The following DNAH12 variants were observed in gnomAD, a reference collection of about 807,000 sequenced individuals.
DNAH12 encodes axonemal beta dynein heavy chain 12.
Under a neutral mutation model 371.5 loss-of-function variants are expected in DNAH12, and 285 were observed. That is an observed-to-expected ratio of 0.77 (90% CI 0.70 to 0.85). The LOEUF (loss-of-function observed/expected upper bound fraction) is 0.85, where lower values mean the gene tolerates loss of function less well. DNAH12 is among the 40% of genes least tolerant of loss of function. DNAH12 has a pLI of 0.00. For missense variants in DNAH12, 3,611 were observed against 3,689.4 expected (o/e 0.98, Z 0.55); for synonymous variants, 1,200 against 1,213.0 (o/e 0.99, Z 0.22).
chr3:57,552,445 G>T, the DNAH12 span, among the ~76,000 whole-genome samples: 1 of 152,144 alleles, frequency 6.6e-6, no homozygotes, highest in Non-Finnish European at 1.5e-5. Flanking sequence ...TGGAAACTAT[G>T]ACAAGTTTAT....
chr3:57,323,725 A>T, intron 62 of DNAH12, 106 bp from the exon 63 acceptor site: 3 of 1,179,658 alleles, frequency 2.5e-6, no homozygotes, highest in Non-Finnish European at 3.4e-6. Context: ...CTAATGGTCA[A>T]AAAAAGCATA....
At chr3:57,384,414 A>T (rs1483782574) in intron 49 of DNAH12, among the ~76,000 whole-genome samples, 2 of 152,114 alleles carry the variant, frequency 1.3e-5, no homozygotes, top group Admixed American at 6.5e-5. Context: ...AGGTGGGAGG[A>T]TCGCTTGAGC....
chr3:57,381,005 T>G (rs2063378473), intron 50 of DNAH12, among the ~76,000 whole-genome samples: 1 of 152,186 alleles, frequency 6.6e-6, no homozygotes, highest in African/African-American at 2.4e-5. Flanking sequence ...AAATTTATTT[T>G]CCTTTATTCT....
chr3:57,410,325 G>A (rs1387304185), intron 39 of DNAH12, among the ~76,000 whole-genome samples: 2 of 151,690 alleles, frequency 1.3e-5, no homozygotes, highest in South Asian at 2.1e-4. Context: ...TTTATATCTG[G>A]TATGGTGATC....
At chr3:57,398,444 G>A (rs963059692) in intron 43 of DNAH12, among the ~76,000 whole-genome samples, 7 of 152,140 alleles carry the variant, frequency 4.6e-5, no homozygotes, top group Admixed American at 6.5e-5. Context: ...TTTTATGGAA[G>A]ATCAATGAAT....
chr3:57,528,076 G>T (rs976799831), intron 2 of DNAH12, among the ~76,000 whole-genome samples: 4 of 151,876 alleles, frequency 2.6e-5, no homozygotes, highest in African/African-American at 9.7e-5. Flanking sequence ...TTGCCCAGGC[G>T]GGAGGGCAAT....
chr3:57,449,387 G>A (rs1025961304), intron 25 of DNAH12, among the ~76,000 whole-genome samples: 1 of 152,248 alleles, frequency 6.6e-6, no homozygotes, highest in Non-Finnish European at 1.5e-5. Flanking sequence ...TGGGCGCCAT[G>A]GAGCAGGGGG....
chr3:57,409,968 CAT>C (rs376435109), intron 39 of DNAH12, among the ~76,000 whole-genome samples: 1 of 152,212 alleles, frequency 6.6e-6, no homozygotes, highest in African/African-American at 2.4e-5. Flanking sequence ...CCACAGAAAA[CAT>C]ACAGTTAAAA....
chr3:57,502,185 C>G, intron 10 of DNAH12, 138 bp downstream of exon 10: 1 of 1,158,874 alleles, frequency 8.6e-7, no homozygotes, highest in Non-Finnish European at 1.2e-6. Context: ...ATTCTTGACT[C>G]TGCCAAAAGC....
chr3:57,415,671 C>T, intron 37 of DNAH12, 107 bp from the exon 38 acceptor site: 1 of 1,112,972 alleles, frequency 9.0e-7, no homozygotes, highest in Middle Eastern at 3.1e-4. Context: ...AAATCATCTT[C>T]ATTAAAAACT....
chr3:57,510,572 G>A (rs1012628757), intron 5 of DNAH12, among the ~76,000 whole-genome samples: 1 of 152,066 alleles, frequency 6.6e-6, no homozygotes, highest in Admixed American at 6.6e-5. Flanking sequence ...CTCAGCAGGC[G>A]GAGGCTGCAG....
chr3:57,294,044 T>TGG, intron 73 of DNAH12, 73 bp from the exon 74 acceptor site: 2 of 1,293,960 alleles, frequency 1.5e-6, no homozygotes, highest in Non-Finnish European at 2.0e-6. Flanking sequence ...GAACTATTTA[T>TGG]CTTGTAATAA....
At chr3:57,360,052 A>G (rs1438253475) in intron 58 of DNAH12, among the ~76,000 whole-genome samples, 1 of 152,204 alleles carries the variant, frequency 6.6e-6, no homozygotes, top group Non-Finnish European at 1.5e-5. Flanking sequence ...AAATAATTAA[A>G]TCTTCCTTTC....
At position 57,444,736 on chromosome 3, in the gene DNAH12, G is replaced by A; in HGVS notation, c.4506C>T (p.Asp1502=). 6.5e-7 allele frequency: 1 copy of A among 1,550,048 alleles called. No homozygotes were observed. The highest frequency in any genetic ancestry group is 8.7e-7 in the Non-Finnish European group (1 of 1,146,302). Residue 1502 remains aspartate (D), a synonymous_variant, in exon 29 of 74, where the codon GAC becomes GAT. Coordinates refer to ENST00000495027, the MANE Select transcript of DNAH12 (RefSeq NM_001366028.2). ...DIPLFNGITS[D]LFPGIKLPEA... ...CAGGAAGTTTAATACCAGGAAATAA[G>A]TCACTAGTTATTCCATTAAATAAAG...
At chr3:57,474,267 G>C (rs1306619826) in intron 13 of DNAH12, among the ~76,000 whole-genome samples, 3 of 152,144 alleles carry the variant, frequency 2.0e-5, no homozygotes, top group Non-Finnish European at 4.4e-5. Flanking sequence ...AAATTAAGAA[G>C]AGAAATTTAA....
chr3:57,522,811 C>A (rs3816365), intron 4 of DNAH12, among the ~76,000 whole-genome samples: 62,609 of 151,600 alleles, frequency 0.41, 14,431 homozygotes, highest in South Asian at 0.57. Context: ...TATCATAAGT[C>A]CCCTGTTGCC....
At chr3:57,454,066 G>A (rs763309986) in intron 23 of DNAH12, among the ~76,000 whole-genome samples, 18 of 152,120 alleles carry the variant, frequency 1.2e-4, no homozygotes, top group Non-Finnish European at 2.6e-4. Context: ...CTATGACTAC[G>A]CCATTGCACT....
intron 29 of DNAH12, among the ~76,000 whole-genome samples, chr3:57,442,561 A>G (rs915935195): frequency 6.6e-6 from 1 of 152,198 alleles, no homozygotes; most frequent in African/African-American, 2.4e-5. Context: ...AGTGATAAAC[A>G]TTTTTTGAAA....
rs142513863 is a variant in DNAH12 at position 57,512,071 on chromosome 3, C to T, written c.280-1092G>A. Among the ~76,000 whole-genome samples, 651 of 151,780 alleles carry T rather than the reference C, an allele frequency of 4.3e-3. 6 individuals are homozygous for T. Among genetic ancestry groups the T allele is most frequent in the African/African-American group, 0.015 (630 of 41,404 alleles). On this transcript the variant is annotated intron_variant, in intron 4 of 73. Transcript: ENST00000495027. The stretch of plus-strand genomic sequence containing the variant: ...ACAAGTAATAGATTAATTTTTACTA[C>T]ATAAAAACATAAATGTTTGCATAAC...
Sources: gnomAD v4.1 joint callset for allele counts (sites outside exome capture counted in the v4.1 genomes callset) on GRCh38, gnomAD v4.1.1 for gene constraint, MANE v1.5 for transcripts, NCBI Gene and HGNC (gene_info 2026-07-23, HGNC 2026-07-21) for gene names.